The following STK3 variants were observed in gnomAD, a reference collection of about 807,000 sequenced individuals.
STK3 encodes the protein serine/threonine kinase 3.
STK3 carries 41 observed loss-of-function variants against 58.0 expected under a neutral mutation model. The ratio of observed to expected loss-of-function variants is 0.71; its 90% CI spans 0.55 to 0.92. The LOEUF is 0.92. Ranked by LOEUF, STK3 falls within the 40% of genes least tolerant of loss-of-function variation. The pLI, the probability that STK3 is intolerant of heterozygous loss-of-function variation, is 0.00. For missense variants in STK3, 479 were observed against 602.7 expected, an observed-to-expected ratio of 0.79 and a Z score of 2.15; for synonymous variants, 170 against 191.0, an observed-to-expected ratio of 0.89 and a Z score of 0.91.
intron 2 of STK3, among the ~76,000 whole-genome samples, chr8:98,774,090 C>G (rs1039693141): frequency 1.3e-5 from 2 of 152,122 alleles, no homozygotes; most frequent in African/African-American, 4.8e-5. Context: ...GCCACCGCGA[C>G]CGGCCTAGCT....
At chr8:98,587,926 C>T (rs1814812631) in intron 7 of STK3, among the ~76,000 whole-genome samples, 2 of 152,074 alleles carry the variant, frequency 1.3e-5, no homozygotes, top group Non-Finnish European at 2.9e-5. Context: ...GCAACCCCTG[C>T]CTTTTTTTGT....
At position 98,689,910 on chromosome 8, in the gene STK3, G is replaced by T. The variant is rs571625560; in HGVS notation, c.684+16557C>A. ...TCAACATATGCAAGTCAGTAAATGT[G>T]ATTTACCACATAAGGAGAATTAAAA... On this transcript the variant is annotated intron_variant, in intron 6 of 10. Coordinates refer to ENST00000419617, the MANE Select transcript of STK3 (RefSeq NM_006281.4). 9.2e-5 allele frequency among the ~76,000 whole-genome samples: 14 copies of T among 152,258 alleles called. No individual in the cohort carries two copies. In the East Asian group the frequency reaches 2.7e-3, roughly 29 times the overall value.
At chr8:98,611,658 C>A (rs1817209167) in intron 6 of STK3, among the ~76,000 whole-genome samples, 1 of 152,148 alleles carries the variant, frequency 6.6e-6, no homozygotes, top group Non-Finnish European at 1.5e-5. Flanking sequence ...AGCAACCAAC[C>A]AATTCCAAAC....
intron 6 of STK3, among the ~76,000 whole-genome samples, chr8:98,671,315 A>AG (rs1484384173): frequency 6.6e-6 from 1 of 152,068 alleles, no homozygotes; most frequent in African/African-American, 2.4e-5. Flanking sequence ...AATCCATCTG[A>AG]GGGGGAAAAA....
intron 9 of STK3, among the ~76,000 whole-genome samples, chr8:98,547,057 C>G (rs751877439): frequency 9.2e-5 from 14 of 152,148 alleles, no homozygotes; most frequent in Admixed American, 3.9e-4. Flanking sequence ...TTTTGCAGTA[C>G]CAGCAAATCA....
chr8:98,710,503 C>G (rs368435774), intron 4 of STK3, among the ~76,000 whole-genome samples: 10 of 152,344 alleles, frequency 6.6e-5, no homozygotes, highest in South Asian at 2.1e-4. Context: ...TATCCCGCGC[C>G]TGGCTTGGAG....
At chr8:98,765,691 G>A (rs1204883223) in intron 3 of STK3, among the ~76,000 whole-genome samples, 1 of 152,222 alleles carries the variant, frequency 6.6e-6, no homozygotes, top group Admixed American at 6.5e-5. Flanking sequence ...GAGATAATAA[G>A]CATGAGGACA....
chr8:98,724,663 G>A (rs904129743), intron 4 of STK3, among the ~76,000 whole-genome samples: 9 of 152,122 alleles, frequency 5.9e-5, no homozygotes, highest in African/African-American at 1.7e-4. Context: ...AAAATAATTC[G>A]TAAAAATAAC....
intron 1 of STK3, 59 bp downstream of exon 1, chr8:98,825,456 C>G (rs1416088851): frequency 7.0e-7 from 1 of 1,422,564 alleles, no homozygotes; most frequent in Non-Finnish European, 9.3e-7. Context: ...GCCTAGCCAC[C>G]CCCGCCCCGC....
chr8:98,609,174 T>C (rs1425916191), intron 6 of STK3, among the ~76,000 whole-genome samples: 1 of 151,008 alleles, frequency 6.6e-6, no homozygotes, highest in African/African-American at 2.4e-5. Context: ...GCTCTGCCAA[T>C]AACAAAGCAT....
At chr8:98,729,557 T>C (rs1261480954) in intron 4 of STK3, among the ~76,000 whole-genome samples, 1 of 152,228 alleles carries the variant, frequency 6.6e-6, no homozygotes, top group Non-Finnish European at 1.5e-5. Flanking sequence ...CTTGGTTCTA[T>C]AGTTCTCTGC....
At chr8:98,530,727 C>G (rs1826109863) in intron 9 of STK3, among the ~76,000 whole-genome samples, 1 of 152,228 alleles carries the variant, frequency 6.6e-6, no homozygotes, top group Admixed American at 6.5e-5. Flanking sequence ...ATTTTACCCA[C>G]AGCACAGTGT....
intron 6 of STK3, among the ~76,000 whole-genome samples, chr8:98,636,436 T>C (rs1198757739): frequency 1.3e-5 from 2 of 152,182 alleles, no homozygotes; most frequent in East Asian, 3.8e-4. Context: ...ATGCCAGGCA[T>C]TGTGTTAGGC....
chr8:98,404,679 C>CAAAAAA (rs35146514), intron 3 of STK3, among the ~76,000 whole-genome samples: 14 of 95,266 alleles, frequency 1.5e-4, no homozygotes, highest in African/African-American at 4.5e-4. Context: ...GTCTCTGTCT[C>CAAAAAA]AAAAAAAAAA....
At chr8:98,547,024 C>T (rs1291277167) in intron 9 of STK3, among the ~76,000 whole-genome samples, 1 of 152,156 alleles carries the variant, frequency 6.6e-6, no homozygotes, top group Non-Finnish European at 1.5e-5. Context: ...ATGGAAGTAT[C>T]TGAGAGAAAA....
chr8:98,892,389 C>T (rs1252200837), intron 1 of STK3, among the ~76,000 whole-genome samples: 1 of 152,192 alleles, frequency 6.6e-6, no homozygotes, highest in Non-Finnish European at 1.5e-5. Context: ...TTCTAAGATG[C>T]AGATCTGATT....
intron 6 of STK3, among the ~76,000 whole-genome samples, chr8:98,694,031 T>C (rs553065835): frequency 6.6e-6 from 1 of 152,206 alleles, no homozygotes; most frequent in Non-Finnish European, 1.5e-5. Context: ...GGATTTCCAA[T>C]GGGAGAGAGC....
At chr8:98,457,089 C>T (rs1819548915) in intron 10 of STK3, among the ~76,000 whole-genome samples, 1 of 152,238 alleles carries the variant, frequency 6.6e-6, no homozygotes, top group African/African-American at 2.4e-5. Flanking sequence ...ATGCCACTCA[C>T]TTCGGTGCAT....
chr8:98,621,466 G>A (rs1244348291), intron 6 of STK3, among the ~76,000 whole-genome samples: 1 of 152,006 alleles, frequency 6.6e-6, no homozygotes, highest in Non-Finnish European at 1.5e-5. Context: ...AGTGAACATC[G>A]TTCCTGTTCC....
Sources: allele counts gnomAD v4.1 joint callset (sites outside exome capture counted in the v4.1 genomes callset), GRCh38; gene constraint gnomAD v4.1.1; transcripts MANE v1.5; gene names NCBI Gene and HGNC (gene_info 2026-07-23, HGNC 2026-07-21).